MYH7B: variants seen among roughly 807,000 people sequenced by gnomAD.
MYH7B encodes myosin-7B.
A neutral mutation model predicts 234.5 loss-of-function variants in MYH7B; 205 were observed. The ratio of observed to expected loss-of-function variants is 0.87; its 90% confidence interval spans 0.78 to 0.98. MYH7B has a LOEUF of 0.98. Ranked by LOEUF, MYH7B falls within the 50% of genes least tolerant of loss-of-function variation. The pLI is 0.00. For synonymous variants in MYH7B, 1,193 were observed against 1,105.0 expected (o/e 1.08, Z -1.58); for missense variants, 2,652 against 2,633.4 (o/e 1.01, Z -0.15).
At position 34,985,952 on chromosome 20, in the gene MYH7B, G is replaced by A. The variant is rs60893848; in HGVS notation, c.806-148G>A. ...GGCTCGTGTGATGACGCAGGCACAGGGGAGATACCCTCCCCACACAAGCTG... is the reference window on the plus strand; with the variant it reads ...GGCTCGTGTGATGACGCAGGCACAGAGGAGATACCCTCCCCACACAAGCTG... On this transcript the variant is annotated intron_variant, in intron 13 of 44. Coordinates refer to ENST00000262873, the Ensembl canonical transcript of MYH7B. 6.2e-3 allele frequency: 4,222 copies of A among 682,662 alleles called. 41 individuals are homozygous for A. The highest frequency in any genetic ancestry group is 0.021 in the Middle Eastern group (54 of 2,554). The allele number at this position is 682,662 out of a possible 1,614,324, so 42.3% of individuals were successfully genotyped here.
In MYH7B at chr20:34,986,201, GA is replaced by G. The variant is rs1209201186; in HGVS notation, c.904+4del. 2 of 1,586,748 alleles carry G rather than the reference GA, an allele frequency of 1.3e-6. No homozygotes were observed. Among genetic ancestry groups the G allele is most frequent in the Middle Eastern group, 3.3e-4 (2 of 6,028 alleles). On this transcript the variant is annotated splice_donor_region_variant and intron_variant, in intron 14 of 44. Transcript: ENST00000262873. Reference sequence around the variant, plus strand: ...AGGGAGGAAGCCAGAGCTGCAGGGTGAGGGGCAGTACGATGAAGGGGGTGGG... The same window carrying G: ...AGGGAGGAAGCCAGAGCTGCAGGGTGGGGGCAGTACGATGAAGGGGGTGGG...
intron 2 of MYH7B, among the ~76,000 whole-genome samples, chr20:34,961,457 AT>A (rs559093182): frequency 6.0e-4 from 92 of 152,304 alleles, no homozygotes; most frequent in Non-Finnish European, 1.0e-3. Flanking sequence ...GACTCTCCTG[AT>A]TTGGTGTTTA....
chr20:34,984,528 G>T (rs2081985506), intron 10 of MYH7B, among the ~76,000 whole-genome samples, 164 bp from the exon 11 acceptor site: 1 of 152,154 alleles, frequency 6.6e-6, no homozygotes, highest in Non-Finnish European at 1.5e-5. Flanking sequence ...CCTAACAGCT[G>T]CAGGAGGGTC....
rs777389691 is a variant in MYH7B, at chr20:34,990,827, T to G, written c.2065+2T>G. ...TCCCCAACGAGAACAAAACCCCAGG[T>G]AGTCACCCAGGGCTGGCCTGGCTGG... On this transcript the variant is annotated splice_donor_variant, in intron 23 of 44. Coordinates refer to ENST00000262873, the Ensembl canonical transcript of MYH7B. LOFTEE classifies it high-confidence loss of function. 1 of 1,613,812 alleles carries G rather than the reference T, an allele frequency of 6.2e-7. No homozygotes were observed. The highest frequency in any genetic ancestry group is 2.2e-5 in the East Asian group (1 of 44,858).
intron 2 of MYH7B, among the ~76,000 whole-genome samples, chr20:34,964,245 C>T (rs1232267179): frequency 1.3e-5 from 2 of 152,022 alleles, no homozygotes; most frequent in East Asian, 3.9e-4. Context: ...AGGTTTCTAG[C>T]TTTTGTCAGT....
In MYH7B at chr20:34,969,555, T is replaced by C. The variant is rs2081773840; in HGVS notation, c.-221-5845T>C. 4.0e-5 allele frequency among the ~76,000 whole-genome samples: 6 copies of C among 148,234 alleles called. No individual in the cohort carries two copies. In the South Asian group the frequency reaches 1.3e-3, roughly 33 times the overall value. ...TCTTCTGCTCCTTTTTTTTTTTTTT[T>C]TTTTTTTGAGATGGAGTCTAGCTCT... is the stretch of plus-strand genomic sequence containing the variant. On this transcript the variant is annotated intron_variant, in intron 2 of 44. Transcript: ENST00000262873.
intron 38 of MYH7B, 33 bp downstream of exon 38, chr20:34,999,939 G>A (rs369098459): frequency 4.3e-5 from 68 of 1,574,092 alleles, no homozygotes; most frequent in South Asian, 3.8e-4. Context: ...CCCACCTCCC[G>A]AGAGCAGAAG....
At chr20:34,976,967 C>T (rs775191497) in intron 3 of MYH7B, among the ~76,000 whole-genome samples, 2 of 152,148 alleles carry the variant, frequency 1.3e-5, no homozygotes, top group Non-Finnish European at 2.9e-5. Context: ...GGGAGGCAGG[C>T]GATGCCCTAT....
At chr20:34,998,586 A>G (rs773581831) in exon 34 of MYH7B, 2 of 1,613,440 alleles carry the variant, frequency 1.2e-6, no homozygotes, top group African/African-American at 2.7e-5. Flanking sequence ...CTGGCCGCCC[A>G]AAGCCTGGAA....
exon 27 of MYH7B, chr20:34,994,227 G>T: frequency 6.2e-7 from 1 of 1,613,288 alleles, no homozygotes; most frequent in Non-Finnish European, 8.5e-7. Context: ...TCTTTTTCAA[G>T]ATGAAGCCGC....
chr20:34,965,119 T>C (rs1445852918), intron 2 of MYH7B, among the ~76,000 whole-genome samples: 1 of 152,218 alleles, frequency 6.6e-6, no homozygotes, highest in African/African-American at 2.4e-5. Context: ...CTCAAACTCC[T>C]GGCCTCAAGT....
At chr20:34,956,372 T>C (rs750658714) in intron 1 of MYH7B, among the ~76,000 whole-genome samples, 8 of 152,314 alleles carry the variant, frequency 5.3e-5, no homozygotes, top group Middle Eastern at 3.4e-3. Context: ...TCTCAGACTC[T>C]CTTGTACCGT....
chr20:34,967,678 G>A (rs372938726), intron 2 of MYH7B, among the ~76,000 whole-genome samples: 2 of 152,172 alleles, frequency 1.3e-5, no homozygotes, highest in South Asian at 2.1e-4. Flanking sequence ...GTGCTTAACC[G>A]TCTGTGCCTG....
exon 29 of MYH7B, chr20:34,996,506 A>C: frequency 6.2e-7 from 1 of 1,610,984 alleles, no homozygotes; most frequent in Admixed American, 1.7e-5. Context: ...CTCCGGCTGG[A>C]GCAACAGGTG....
exon 28 of MYH7B, chr20:34,995,530 G>T: frequency 6.2e-7 from 1 of 1,614,182 alleles, no homozygotes; most frequent in East Asian, 2.2e-5. Flanking sequence ...ATGACCTGGA[G>T]CTGACACTGG....
intron 24 of MYH7B, among the ~76,000 whole-genome samples, chr20:34,992,434 A>G (rs6120785): frequency 0.59 from 88,288 of 149,992 alleles, 26,978 homozygotes; most frequent in Middle Eastern, 0.74. Flanking sequence ...CTTCAGTGAT[A>G]GGGTACAGCA....
exon 35 of MYH7B, chr20:34,998,744 T>C (rs1374386746): frequency 6.2e-7 from 1 of 1,612,218 alleles, no homozygotes; most frequent in Non-Finnish European, 8.5e-7. Flanking sequence ...GCCCACGCCG[T>C]GCAGGCTCTG....
chr20:34,963,777 C>A (rs1328476073), intron 2 of MYH7B, among the ~76,000 whole-genome samples: 2 of 152,124 alleles, frequency 1.3e-5, no homozygotes, highest in Non-Finnish European at 2.9e-5. Flanking sequence ...AGGTCTTATG[C>A]ATTTTTACCC....
rs745381708 is a variant in MYH7B, at chr20:35,000,903, G to A, written c.5304+10G>A. 6.6e-6 allele frequency: 7 copies of A among 1,064,038 alleles called. No homozygotes were observed. In the South Asian group the frequency reaches 1.2e-4, roughly 18 times the overall value. The allele number at this position is 1,064,038 out of a possible 1,614,324, so 65.9% of individuals were successfully genotyped here. A position where few individuals can be genotyped will look rare whatever the true frequency, so the allele number is the denominator to read the frequency against. ...AAAGGCCATCACTGATGTGAGGCTG[G>A]GCAAGGGCTGTGGGGAGCCTGGGAC... On this transcript the variant is annotated intron_variant, in intron 40 of 44. Transcript: ENST00000262873.
Sources: gnomAD v4.1 joint callset for allele counts (sites outside exome capture counted in the v4.1 genomes callset) on GRCh38, gnomAD v4.1.1 for gene constraint, MANE v1.5 for transcripts, NCBI Gene and HGNC (gene_info 2026-07-23, HGNC 2026-07-21) for gene names.